RAVER1: variants seen among roughly 807,000 people sequenced by gnomAD.
RAVER1 encodes the protein ribonucleoprotein PTB-binding 1.
Under a neutral mutation model 68.4 loss-of-function variants are expected in RAVER1, and 36 were observed. That is an observed-to-expected ratio of 0.53 (90% CI 0.40 to 0.70). The LOEUF (loss-of-function observed/expected upper bound fraction) is 0.70, where lower values mean the gene tolerates loss of function less well. Ranked by LOEUF, RAVER1 falls within the 30% of genes least tolerant of loss-of-function variation. RAVER1 has a pLI of 0.00. For missense variants in RAVER1, 933 were observed against 1,019.8 expected (o/e 0.91, Z 1.16); for synonymous variants, 469 against 472.7 (o/e 0.99, Z 0.10).
chr19:10,317,542 C>T lies in RAVER1; in HGVS notation c.2132G>A (p.Ser711Asn). 6.2e-7 allele frequency: 1 copy of T among 1,613,454 alleles called. No individual in the cohort carries two copies. Among genetic ancestry groups the T allele is most frequent in the South Asian group, 1.1e-5 (1 of 91,060 alleles). Residue 711 changes from serine (S) to asparagine (N), a missense_variant, in exon 13 of 13, where the codon AGC (serine) becomes AAC (asparagine). Around this residue, in one of 3 missense-constraint regions of RAVER1, gnomAD observed 699 missense variants for 731.1 expected, o/e 0.96. Coordinates refer to ENST00000617231, the MANE Select transcript of RAVER1 (RefSeq NM_133452.3). The surrounding 1 kb of genome is among the most constrained non-coding windows in gnomAD (Gnocchi z 4.3). ...FAHLLPSPEP[S>N]PEGSYVGQHS... ...CTGGCCCACATAGCTGCCTTCTGGG[C>T]TGGGCTCGGGCGAGGGCAGCAGGTG... is the stretch of plus-strand genomic sequence containing the variant.
At position 10,320,802 on chromosome 19, in the gene RAVER1, G is replaced by A. The variant is rs554815921; in HGVS notation, c.1623C>T (p.Gly541=). The change falls in exon 9 of 13, where the codon GGC becomes GGT. Residue 541 remains glycine, a synonymous_variant. Coordinates refer to ENST00000617231, the MANE Select transcript of RAVER1 (RefSeq NM_133452.3). The stretch of plus-strand genomic sequence containing the variant: ...CAGGGGCTGGGGGGTTAGTTGGGGG[G>A]CCCTCAGCTGGGCGGCGGCTTCTCC... The part of the protein sequence containing the change: ...GAGRSRRPAE[G]PPTNPPAPGG... 4 of 1,497,022 alleles carry A rather than the reference G, an allele frequency of 2.7e-6. No homozygotes were observed. Among genetic ancestry groups the A allele is most frequent in the Admixed American group, 2.6e-5 (1 of 38,070 alleles). 92.7% of individuals were successfully genotyped at this position (1,497,022 alleles called of 1,614,324 possible). A position where few individuals can be genotyped will look rare whatever the true frequency, so the allele number is the denominator to read the frequency against.
chr19:10,319,384 C>CCATCCCTGCCAAGCTGCA, intron 9 of RAVER1, 144 bp from the exon 10 acceptor site: 1 of 761,614 alleles, frequency 1.3e-6, no homozygotes. Flanking sequence ...CTGGATGCAG[C>CCATCCCTGCCAAGCTGCA]TTGGCAGGGA....
rs2040450424 is a variant in RAVER1, at chr19:10,323,135, C to A, written c.1078+10G>T. 6.3e-7 allele frequency: 1 copy of A among 1,575,312 alleles called. No homozygotes were observed. ...CTGCACAGTGGGGCCCCTGTCCAGC[C>A]CCACCTTACCCTGCTTCCCCCCCGC... On this transcript the variant is annotated intron_variant, in intron 5 of 12. Coordinates refer to ENST00000617231, the MANE Select transcript of RAVER1 (RefSeq NM_133452.3). This position sits in a 1 kb window ranked among gnomAD's most constrained non-coding sequence, Gnocchi z 6.2.
At chr19:10,330,616 G>A in intron 1 of RAVER1, 90 bp from the exon 2 acceptor site, 1 of 659,786 alleles carries the variant, frequency 1.5e-6, no homozygotes, top group Non-Finnish European at 2.8e-6. Flanking sequence ...AGCTATGAAG[G>A]CAGGTCAATT....
intron 3 of RAVER1, among the ~76,000 whole-genome samples, chr19:10,327,837 G>A (rs2040485709): frequency 1.3e-5 from 2 of 152,174 alleles, no homozygotes; most frequent in African/African-American, 2.4e-5. Context: ...ACCTTCTGGG[G>A]GCTCTTAGAG....
At chr19:10,321,857 A>G (rs1317463777) in intron 6 of RAVER1, 3 of 344,574 alleles carry the variant, frequency 8.7e-6, no homozygotes, top group Non-Finnish European at 1.6e-5. Context: ...ATTGCAGCAC[A>G]GTATCAACTG....
Position 10,317,364 on chromosome 19 carries a change from A to C in RAVER1, c.*90T>G, listed in dbSNP as rs2040397539. 7.3e-7 allele frequency: 1 copy of C among 1,375,992 alleles called. No individual in the cohort carries two copies. The highest frequency in any genetic ancestry group is 1.4e-5 in the African/African-American group (1 of 69,328). The allele number at this position is 1,375,992 out of a possible 1,614,324, so 85.2% of individuals were successfully genotyped here. On this transcript the variant is annotated 3_prime_UTR_variant, in exon 13 of 13. Transcript: ENST00000617231. This position sits in a 1 kb window ranked among gnomAD's most constrained non-coding sequence, Gnocchi z 4.3. Reference sequence around the variant, plus strand: ...AGATTTTTCTATTACCGAAAGAGAGAAAATGGTTTAAAAAAAACACAAAAC... The same window carrying C: ...AGATTTTTCTATTACCGAAAGAGAGCAAATGGTTTAAAAAAAACACAAAAC...
rs1452779225 is a variant in RAVER1 at position 10,323,920 on chromosome 19, G to A, written c.757-354C>T. On this transcript the variant is annotated intron_variant, in intron 3 of 12. Transcript: ENST00000617231. The surrounding 1 kb of genome is among the most constrained non-coding windows in gnomAD (Gnocchi z 6.2). ...TCCCAGCACTTTGGGAGGCCGAGGCGGGCAGATAACCTGAGGTCGGGAGTT... is the reference window on the plus strand; with the variant it reads ...TCCCAGCACTTTGGGAGGCCGAGGCAGGCAGATAACCTGAGGTCGGGAGTT... 7.2e-5 allele frequency among the ~76,000 whole-genome samples: 11 copies of A among 152,068 alleles called. No individual in the cohort carries two copies. The highest frequency in any genetic ancestry group is 1.2e-4 in the Non-Finnish European group (8 of 68,006).
chr19:10,324,255 T>C (rs1568311968), intron 3 of RAVER1, among the ~76,000 whole-genome samples: 1 of 152,016 alleles, frequency 6.6e-6, no homozygotes, highest in Non-Finnish European at 1.5e-5. Context: ...AGGGAAGTGG[T>C]TGGGCTGGGC....
At position 10,329,662 on chromosome 19, in the gene RAVER1, CA is replaced by C. The variant is rs1444763275; in HGVS notation, c.287-552del. Among the ~76,000 whole-genome samples the C allele has an allele frequency of 6.6e-6, 1 of 152,196 alleles. No homozygotes were observed. The highest frequency in any genetic ancestry group is 2.4e-5 in the African/African-American group (1 of 41,456). On this transcript the variant is annotated intron_variant, in intron 2 of 12. Transcript: ENST00000617231. This position sits in a 1 kb window ranked among gnomAD's most constrained non-coding sequence, Gnocchi z 4.6. The stretch of plus-strand genomic sequence containing the variant: ...CACCCCTGCCACCTTTCCAGGCCAC[CA>C]GTGCCCCTGAACCCTGCTGCCACGT...
rs184591581 is a variant in RAVER1 at position 10,319,183 on chromosome 19, C to T, written c.1828G>A (p.Gly610Arg). The change falls in exon 10 of 13, where the codon GGA becomes AGA. Residue 610 changes from glycine (G) to arginine (R), a missense_variant. Transcript: ENST00000617231. ...HPREPALGPH[G>R]PSRHKMSPPP... ...GCTCTTACCTTGTGTCGGCTGGGTCCGTGAGGCCCAAGGGCTGGTTCCCGT... is the reference window on the plus strand; with the variant it reads ...GCTCTTACCTTGTGTCGGCTGGGTCTGTGAGGCCCAAGGGCTGGTTCCCGT... 2,219 of 1,613,822 alleles carry T rather than the reference C, an allele frequency of 1.4e-3. 3 individuals are homozygous for T. Among genetic ancestry groups the T allele is most frequent in the Non-Finnish European group, 1.7e-3 (2,054 of 1,179,776 alleles).
rs74530202 is a variant in RAVER1 at position 10,328,255 on chromosome 19, G to C, written c.756+387C>G. On this transcript the variant is annotated intron_variant, in intron 3 of 12. Transcript: ENST00000617231. The surrounding 1 kb of genome is among the most constrained non-coding windows in gnomAD (Gnocchi z 4.4). ...ATCTGATAGAGGGACAGTGAGGCCT[G>C]AGGCTGCAGAGGGATTCAAATCCCC... Among the ~76,000 whole-genome samples, 284 of 152,280 alleles carry C rather than the reference G, an allele frequency of 1.9e-3. 7 individuals carry two copies. In the East Asian group the frequency reaches 0.043, roughly 23 times the overall value.
chr19:10,318,218 A>C lies in RAVER1; in HGVS notation c.1989+11T>G. 1 of 1,596,980 alleles carries C rather than the reference A, an allele frequency of 6.3e-7. No individual in the cohort carries two copies. Among genetic ancestry groups the C allele is most frequent in the Non-Finnish European group, 8.5e-7 (1 of 1,172,998 alleles). On this transcript the variant is annotated intron_variant, in intron 11 of 12. Coordinates refer to ENST00000617231, the MANE Select transcript of RAVER1 (RefSeq NM_133452.3). ...CCAGGGGGCCTGTGCTTGGCCAGAGAGGTTCCTCACCTTACTGAGGTGGCT... is the reference window on the plus strand; with the variant it reads ...CCAGGGGGCCTGTGCTTGGCCAGAGCGGTTCCTCACCTTACTGAGGTGGCT...
At chr19:10,326,065 G>A (rs185282738) in intron 3 of RAVER1, among the ~76,000 whole-genome samples, 1 of 152,054 alleles carries the variant, frequency 6.6e-6, no homozygotes, top group South Asian at 2.1e-4. Context: ...AGACCAGCCT[G>A]GCCAACACGG....
intron 9 of RAVER1, among the ~76,000 whole-genome samples, chr19:10,320,277 G>C (rs1238360838): frequency 6.6e-6 from 1 of 151,980 alleles, no homozygotes; most frequent in African/African-American, 2.4e-5. Flanking sequence ...GCTGAGGCGG[G>C]TGGCTCACTT....
chr19:10,329,123 G>A lies in RAVER1; in HGVS notation c.287-12C>T. On this transcript the variant is annotated splice_polypyrimidine_tract_variant and intron_variant, in intron 2 of 12. Transcript: ENST00000617231. This position sits in a 1 kb window ranked among gnomAD's most constrained non-coding sequence, Gnocchi z 4.6. ...CAGGGTCACGAAGGCTGCGGTGGGA[G>A]GAGGGCAGTGCGAGGTCAGCCGGGC... 5.5e-6 allele frequency: 8 copies of A among 1,442,552 alleles called. No individual in the cohort carries two copies. The highest frequency in any genetic ancestry group is 6.4e-6 in the Non-Finnish European group (7 of 1,088,462). The allele number at this position is 1,442,552 out of a possible 1,614,324, so 89.4% of individuals were successfully genotyped here.
intron 3 of RAVER1, among the ~76,000 whole-genome samples, chr19:10,327,929 G>C (rs1395963434): frequency 6.6e-6 from 1 of 152,190 alleles, no homozygotes; most frequent in African/African-American, 2.4e-5. Flanking sequence ...TGTGTGGCTT[G>C]AATGAACAAG....
At chr19:10,325,518 C>T (rs1281520340) in intron 3 of RAVER1, among the ~76,000 whole-genome samples, 3 of 151,772 alleles carry the variant, frequency 2.0e-5, no homozygotes, top group South Asian at 2.1e-4. Context: ...CGTGAGCCAC[C>T]GTGCCATGAG....
In RAVER1 at chr19:10,328,367, A is replaced by G. The variant is rs796328992; in HGVS notation, c.756+275T>C. 5.3e-5 allele frequency among the ~76,000 whole-genome samples: 8 copies of G among 152,284 alleles called. No homozygotes were observed. The highest frequency in any genetic ancestry group is 1.9e-4 in the African/African-American group (8 of 41,568). ...GGAGTTCAAGACTATCCTGGCCAAC[A>G]TGGCAAAACCCCATCTCTACTAAAA... On this transcript the variant is annotated intron_variant, in intron 3 of 12. Transcript: ENST00000617231. The surrounding 1 kb of genome is among the most constrained non-coding windows in gnomAD (Gnocchi z 4.4).
Sources: gnomAD v4.1 joint callset for allele counts (sites outside exome capture counted in the v4.1 genomes callset) on GRCh38, gnomAD v4.1.1 for gene constraint, gnomAD v4.1.1 regional missense constraint, Gnocchi (gnomAD v3.1) non-coding constraint, MANE v1.5 for transcripts, NCBI Gene and HGNC (gene_info 2026-07-23, HGNC 2026-07-21) for gene names.